The following ARB2A variants were observed in gnomAD, a reference collection of about 807,000 sequenced individuals.
ARB2A encodes cotranscriptional regulator ARB2A.
chr5:93,784,439 C>T, the ARB2A span: 2 of 1,613,408 alleles, frequency 1.2e-6, no homozygotes, highest in South Asian at 1.1e-5. Context: ...ACATTGTGAA[C>T]AGAGTCTGTC....
the ARB2A span, among the ~76,000 whole-genome samples, chr5:93,627,721 T>C: frequency 1.3e-5 from 2 of 152,196 alleles, no homozygotes; most frequent in Non-Finnish European, 2.9e-5. Flanking sequence ...ATTACAAGCA[T>C]GAGCCACCAT....
At chr5:93,974,788 C>G in the ARB2A span, among the ~76,000 whole-genome samples, 2 of 151,936 alleles carry the variant, frequency 1.3e-5, no homozygotes, top group Non-Finnish European at 2.9e-5. Context: ...TCTTCTCAGA[C>G]CATGGTGGAA....
At chr5:94,047,118 A>T in the ARB2A span, among the ~76,000 whole-genome samples, 73 of 152,286 alleles carry the variant, frequency 4.8e-4, no homozygotes, top group Middle Eastern at 0.01. Context: ...TTTACTTTTG[A>T]TCAAAATATT....
the ARB2A span, among the ~76,000 whole-genome samples, chr5:94,060,889 A>G: frequency 2.0e-5 from 3 of 152,204 alleles, no homozygotes; most frequent in African/African-American, 7.2e-5. Context: ...AGGCTACAGA[A>G]GAAAAAAAAT....
the ARB2A span, among the ~76,000 whole-genome samples, chr5:93,832,194 A>C: frequency 6.6e-6 from 1 of 152,108 alleles, no homozygotes; most frequent in African/African-American, 2.4e-5. Flanking sequence ...CTATCTTTGG[A>C]ATATGGCGTG....
chr5:93,905,663 T>C, the ARB2A span, among the ~76,000 whole-genome samples: 1 of 151,542 alleles, frequency 6.6e-6, no homozygotes, highest in Non-Finnish European at 1.5e-5. Context: ...CAAGGGGTTC[T>C]CTTCTATTCC....
the ARB2A span, among the ~76,000 whole-genome samples, chr5:94,000,379 A>T: frequency 6.6e-6 from 1 of 151,990 alleles, no homozygotes; most frequent in African/African-American, 2.4e-5. Context: ...GTGGTATCTC[A>T]TTGTTGTTTT....
At chr5:93,965,085 T>C in the ARB2A span, among the ~76,000 whole-genome samples, 44 of 152,182 alleles carry the variant, frequency 2.9e-4, no homozygotes, top group African/African-American at 9.9e-4. Flanking sequence ...TTATGTGACA[T>C]ATTAAATGAA....
the ARB2A span, among the ~76,000 whole-genome samples, chr5:93,808,572 CA>C: frequency 3.9e-5 from 6 of 152,052 alleles, no homozygotes; most frequent in Non-Finnish European, 8.8e-5. Flanking sequence ...GATACAGGAA[CA>C]GTTTTTCTTT....
chr5:94,095,173 C>T, the ARB2A span, among the ~76,000 whole-genome samples: 3 of 152,116 alleles, frequency 2.0e-5, no homozygotes, highest in Non-Finnish European at 4.4e-5. Flanking sequence ...GACCAAAAGC[C>T]CCACCCTAAG....
the ARB2A span, among the ~76,000 whole-genome samples, chr5:94,086,615 C>T: frequency 3.3e-5 from 5 of 152,296 alleles, no homozygotes; most frequent in South Asian, 2.1e-4. Context: ...TGCAATGGCA[C>T]GATCTCAGCT....
the ARB2A span, among the ~76,000 whole-genome samples, chr5:93,932,204 G>C: frequency 1.3e-5 from 2 of 152,074 alleles, no homozygotes; most frequent in Admixed American, 6.6e-5. Flanking sequence ...TGGTTCATGA[G>C]AATTTGCTGT....
chr5:94,085,556 A>T, the ARB2A span, among the ~76,000 whole-genome samples: 1 of 152,218 alleles, frequency 6.6e-6, no homozygotes, highest in Non-Finnish European at 1.5e-5. Context: ...AGAAAGATAG[A>T]TCCAGTAAAG....
At chr5:94,093,219 A>G in the ARB2A span, among the ~76,000 whole-genome samples, 2 of 152,184 alleles carry the variant, frequency 1.3e-5, no homozygotes, top group African/African-American at 2.4e-5. Flanking sequence ...ACCGTGCTCT[A>G]CTAGATCACA....
chr5:94,066,582 C>G, the ARB2A span, among the ~76,000 whole-genome samples: 8 of 151,886 alleles, frequency 5.3e-5, no homozygotes, highest in Admixed American at 2.6e-4. Flanking sequence ...GCTGGAAAAC[C>G]TACAGGAAGT....
At chr5:93,652,676 C>T in the ARB2A span, among the ~76,000 whole-genome samples, 1 of 152,096 alleles carries the variant, frequency 6.6e-6, no homozygotes, top group Non-Finnish European at 1.5e-5. Flanking sequence ...GGAACTCTGG[C>T]TTTGTAGGAT....
the ARB2A span, among the ~76,000 whole-genome samples, chr5:94,057,406 T>C: frequency 4.6e-5 from 7 of 152,136 alleles, no homozygotes; most frequent in African/African-American, 1.4e-4. Context: ...AGGGAGTTAT[T>C]GTTTAATGGG....
the ARB2A span, among the ~76,000 whole-genome samples, chr5:93,893,599 C>T: frequency 1.3e-5 from 2 of 152,128 alleles, no homozygotes; most frequent in Non-Finnish European, 2.9e-5. Flanking sequence ...ATTCAAAATG[C>T]TCTTTTAAAC....
chr5:93,788,842 T>A, the ARB2A span, among the ~76,000 whole-genome samples: 1 of 152,216 alleles, frequency 6.6e-6, no homozygotes, highest in Non-Finnish European at 1.5e-5. Context: ...GTTATGGGAA[T>A]TGTAAATCCA....
Sources: gnomAD v4.1 joint callset for allele counts (sites outside exome capture counted in the v4.1 genomes callset) on GRCh38, gnomAD v4.1.1 for gene constraint, MANE v1.5 for transcripts, NCBI Gene and HGNC (gene_info 2026-07-23, HGNC 2026-07-21) for gene names.